SEPSECS: variants seen among roughly 807,000 people sequenced by gnomAD.
SEPSECS encodes the protein Sep (O-phosphoserine) tRNA:Sec (selenocysteine) tRNA synthase, also known as O-phosphoseryl-tRNA(Sec) selenium transferase.
Under a neutral mutation model 52.1 loss-of-function variants are expected in SEPSECS, and 42 were observed. The ratio of observed to expected loss-of-function variants is 0.81; its 90% confidence interval spans 0.63 to 1.04. SEPSECS has a LOEUF of 1.04. SEPSECS is among the 50% of genes least tolerant of loss of function. SEPSECS has a pLI of 0.00. For missense variants in SEPSECS, 590 were observed against 610.6 expected (o/e 0.97, Z 0.36); for synonymous variants, 216 against 211.4 (o/e 1.02, Z -0.19).
rs1728226997 is a variant in SEPSECS, at chr4:25,123,666, CATGATGCTTA to C, written c.*255_*264del. On this transcript the variant is annotated 3_prime_UTR_variant, in exon 11 of 11. Coordinates refer to ENST00000382103, the MANE Select transcript of SEPSECS (RefSeq NM_016955.4). ...TTACACTAGTAAAAATTATCTGAGT[CATGATGCTTA>C]ATTGACAGATATTCTAACAATTAGA... 1.7e-5 allele frequency: 8 copies of C among 461,276 alleles called. No individual in the cohort carries two copies. The highest frequency in any genetic ancestry group is 6.0e-4 in the Middle Eastern group (1 of 1,678). 28.6% of individuals were successfully genotyped at this position (461,276 alleles called of 1,614,324 possible).
chr4:25,132,380 G>C (rs1728645670), intron 8 of SEPSECS, among the ~76,000 whole-genome samples: 1 of 152,128 alleles, frequency 6.6e-6, no homozygotes, highest in Admixed American at 6.6e-5. Flanking sequence ...GAGCAAAATA[G>C]CTTTGCCTCA....
chr4:25,159,215 G>T, intron 1 of SEPSECS, 108 bp from the exon 2 acceptor site: 2 of 965,458 alleles, frequency 2.1e-6, no homozygotes, highest in Non-Finnish European at 3.0e-6. Context: ...CACGCTGCTT[G>T]TTTTCTAAAA....
rs373414906 is a variant in SEPSECS, at chr4:25,127,295, C to T, written c.1089G>A (p.Leu363=). The T allele has an allele frequency of 1.9e-6, 3 of 1,612,812 alleles. No individual in the cohort carries two copies. The highest frequency in any genetic ancestry group is 2.7e-5 in the African/African-American group (2 of 74,884). The change falls in exon 9 of 11, where the codon CTG becomes CTA. Residue 363 remains leucine, a synonymous_variant. Coordinates refer to ENST00000382103, the MANE Select transcript of SEPSECS (RefSeq NM_016955.4). ...ATATGGGATTGTGAGGTGTATGCAA[C>T]AGTCTTTCATTGTAGGCTTCTGACA... ...KKLSEAYNER[L]LHTPHNPISL...
chr4:25,152,364 G>A lies in SEPSECS; in HGVS notation c.702-302C>T, dbSNP rs187871657. Among the ~76,000 whole-genome samples, 7 of 152,022 alleles carry A rather than the reference G, an allele frequency of 4.6e-5. No individual in the cohort carries two copies. The East Asian group carries it at 1.2e-3, about 25-fold the overall frequency. On this transcript the variant is annotated intron_variant, in intron 5 of 10. Transcript: ENST00000382103. The stretch of plus-strand genomic sequence containing the variant: ...AAATTAAAAATTCCCTAAACAGAAA[G>A]CCAGAAGATTATTTATAATGACCCC...
rs369473598 is a variant in SEPSECS, at chr4:25,137,980, G to A, written c.1026+6794C>T. On this transcript the variant is annotated intron_variant, in intron 8 of 10. Transcript: ENST00000382103. ...AAGCAGGAACAGAAAACCAAATACCGCATCGTCTCACTCTAAGTGGGAGCT... is the reference window on the plus strand; with the variant it reads ...AAGCAGGAACAGAAAACCAAATACCACATCGTCTCACTCTAAGTGGGAGCT... Among the ~76,000 whole-genome samples the A allele has an allele frequency of 5.9e-5, 9 of 152,190 alleles. 1 individual carries two copies. In the East Asian group the frequency reaches 1.4e-3, roughly 23 times the overall value.
At chr4:25,129,052 TTG>T (rs1441691836) in intron 8 of SEPSECS, among the ~76,000 whole-genome samples, 3 of 152,226 alleles carry the variant, frequency 2.0e-5, no homozygotes, top group African/African-American at 7.2e-5. Flanking sequence ...CTAAAAATTT[TTG>T]AATAATCATT....
chr4:25,136,433 C>A (rs56083900), intron 8 of SEPSECS, among the ~76,000 whole-genome samples: 23,409 of 151,256 alleles, frequency 0.15, 1,877 homozygotes, highest in East Asian at 0.31. Flanking sequence ...CCAAATCATT[C>A]ATGATTTGGC....
At chr4:25,155,904 A>G (rs1723099424) in intron 4 of SEPSECS, 133 bp downstream of exon 4, 2 of 787,754 alleles carry the variant, frequency 2.5e-6, no homozygotes. Flanking sequence ...TGTTACATAT[A>G]TTTTACAATT....
rs553784040 is a variant in SEPSECS, at chr4:25,154,939, G to A, written c.701+59C>T. ...GTTATTTAAGCATATTTGAGAATTA[G>A]TATATTTTATTTAAAAGACTGATAA... On this transcript the variant is annotated intron_variant, in intron 5 of 10. Coordinates refer to ENST00000382103, the MANE Select transcript of SEPSECS (RefSeq NM_016955.4). 8.7e-6 allele frequency: 13 copies of A among 1,501,276 alleles called. No homozygotes were observed. The South Asian group carries it at 1.5e-4, about 17-fold the overall frequency. The allele number at this position is 1,501,276 out of a possible 1,614,324, so 93.0% of individuals were successfully genotyped here.
chr4:25,144,560 A>C (rs1014673023), intron 8 of SEPSECS, among the ~76,000 whole-genome samples: 1 of 151,344 alleles, frequency 6.6e-6, no homozygotes, highest in African/African-American at 2.4e-5. Context: ...TAAAAGCAAA[A>C]TCACCTAACC....
At position 25,123,830 on chromosome 4, in the gene SEPSECS, A is replaced by G; in HGVS notation, c.*101T>C. On this transcript the variant is annotated 3_prime_UTR_variant, in exon 11 of 11. Transcript: ENST00000382103. The stretch of plus-strand genomic sequence containing the variant: ...TGCTCCTTGACTGAATATTCCCATG[A>G]AATTCTCAATTCAAAAATCTCAAGT... 9.4e-7 allele frequency: 1 copy of G among 1,058,240 alleles called. No homozygotes were observed. 65.6% of individuals were successfully genotyped at this position (1,058,240 alleles called of 1,614,324 possible).
chr4:25,156,470 C>T (rs527483000), intron 3 of SEPSECS, among the ~76,000 whole-genome samples: 17 of 151,636 alleles, frequency 1.1e-4, no homozygotes, highest in African/African-American at 3.9e-4. Context: ...TTTGGGAGGC[C>T]AAGGCGGGCG....
At chr4:25,155,334 G>T in intron 4 of SEPSECS, 183 bp from the exon 5 acceptor site, 1 of 641,136 alleles carries the variant, frequency 1.6e-6, no homozygotes, top group Non-Finnish European at 2.7e-6. Context: ...TCAAAATAAT[G>T]TGAGGGACTA....
chr4:25,124,342 AGCCACAAATCATG>A, intron 10 of SEPSECS, 117 bp from the exon 11 acceptor site: 1 of 925,508 alleles, frequency 1.1e-6, no homozygotes, highest in Non-Finnish European at 1.7e-6. Context: ...AGTTTAAAAC[AGCCACAAATCATG>A]GCCTACAAAA....
chr4:25,145,720 G>A (rs543529621), intron 6 of SEPSECS, among the ~76,000 whole-genome samples: 86 of 152,150 alleles, frequency 5.7e-4, no homozygotes, highest in Admixed American at 9.2e-4. Flanking sequence ...TGAGTTCGAG[G>A]GTGGCCACCA....
At chr4:25,159,481 AT>A in intron 1 of SEPSECS, 1 of 348,574 alleles carries the variant, frequency 2.9e-6, no homozygotes, top group Non-Finnish European at 5.7e-6. Flanking sequence ...CTTCAGTGAA[AT>A]TTTGGCCACG....
At chr4:25,145,217 T>C (rs559614645) in intron 6 of SEPSECS, 84 bp from the exon 7 acceptor site, 1 of 1,396,332 alleles carries the variant, frequency 7.2e-7, no homozygotes, top group East Asian at 2.3e-5. Flanking sequence ...CAAAAAATTA[T>C]AACTATTTGA....
rs761042301 is a variant in SEPSECS at position 25,124,059 on chromosome 4, C to T, written c.1378G>A (p.Ala460Thr). The change falls in exon 11 of 11, where the codon GCA (alanine) becomes ACA (threonine). Residue 460 changes from alanine (A) to threonine (T), a missense_variant. Transcript: ENST00000382103. The part of the protein sequence containing the change: ...FIKRLDRCLK[A>T]VRKERSKESD... The stretch of plus-strand genomic sequence containing the variant: ...TCTTTACTTCGTTCTTTTCTTACTG[C>T]CTTTAAACACCTGTCAAGTCTCTTT... 14 of 1,613,798 alleles carry T rather than the reference C, an allele frequency of 8.7e-6. No individual in the cohort carries two copies. The highest frequency in any genetic ancestry group is 1.2e-5 in the Non-Finnish European group (14 of 1,179,780).
chr4:25,159,024 G>A lies in SEPSECS; in HGVS notation c.198C>T (p.Phe66=). Residue 66 remains phenylalanine (F), a synonymous_variant, in exon 2 of 11, where the codon TTC becomes TTT. Coordinates refer to ENST00000382103, the MANE Select transcript of SEPSECS (RefSeq NM_016955.4). ...TTTCTCCCACACCACAATTGCCTAA[G>A]AAATTGTTGCTGTCCATGATTGCAA... ...HELAIMDSNN[F]LGNCGVGERE... 4 of 1,613,178 alleles carry A rather than the reference G, an allele frequency of 2.5e-6. No individual in the cohort carries two copies. Among genetic ancestry groups the A allele is most frequent in the Non-Finnish European group, 1.7e-6 (2 of 1,179,776 alleles).
Sources: gnomAD v4.1 joint callset for allele counts (sites outside exome capture counted in the v4.1 genomes callset) on GRCh38, gnomAD v4.1.1 for gene constraint, MANE v1.5 for transcripts, NCBI Gene and HGNC (gene_info 2026-07-23, HGNC 2026-07-21) for gene names.